Variants in NLGN4X observed in about 807,000 individuals in gnomAD.
The protein encoded by NLGN4X is neuroligin-4, X-linked.
A neutral mutation model predicts 40.3 loss-of-function variants in NLGN4X; 3 were observed. The observed-to-expected ratio is 0.07, with a 90% CI of 0.03 to 0.19. The LOEUF is 0.19. Among genes scored for constraint, NLGN4X ranks in the 10% least tolerant of loss-of-function variants. The pLI is 1.00. For missense variants in NLGN4X, 382 were observed against 708.3 expected (o/e 0.54, Z 5.23); for synonymous variants, 270 against 306.8 (o/e 0.88, Z 1.25).
intron 5 of NLGN4X, among the ~76,000 whole-genome samples, chrX:5,900,604 C>T (rs1389581944): frequency 2.8e-5 from 2 of 71,809 alleles, no homozygotes; most frequent in African/African-American, 5.7e-5. Flanking sequence ...ATAAAGGTTT[C>T]GGTCTGTCAC....
intron 3 of NLGN4X, among the ~76,000 whole-genome samples, chrX:5,957,346 G>A (rs1432471229): frequency 9.0e-6 from 1 of 111,528 alleles, no homozygotes; most frequent in Non-Finnish European, 1.9e-5. Flanking sequence ...AGAAAAAACG[G>A]GGAGAGGAGA....
At chrX:6,116,336 A>G (rs1254191691) in intron 2 of NLGN4X, among the ~76,000 whole-genome samples, 1 of 96,661 alleles carries the variant, frequency 1.0e-5, no homozygotes, top group African/African-American at 3.8e-5. Flanking sequence ...AAGAGCGGAA[A>G]CTTTGAATTC....
At chrX:6,210,674 A>G (rs1569300742) in intron 1 of NLGN4X, among the ~76,000 whole-genome samples, 1 of 112,002 alleles carries the variant, frequency 8.9e-6, no homozygotes, top group East Asian at 2.8e-4. Flanking sequence ...ATAACTTGAC[A>G]ACTACATTTT....
chrX:6,114,667 T>C (rs1215349095), intron 2 of NLGN4X, among the ~76,000 whole-genome samples: 2 of 111,253 alleles, frequency 1.8e-5, no homozygotes, highest in Non-Finnish European at 3.8e-5. Flanking sequence ...AACTAAACAC[T>C]ACATATGAGG....
intron 3 of NLGN4X, among the ~76,000 whole-genome samples, chrX:5,981,323 T>C (rs950864186): frequency 1.1e-4 from 12 of 110,741 alleles, no homozygotes; most frequent in East Asian, 8.4e-4. Flanking sequence ...AACATTCTGA[T>C]TACATCTTAG....
chrX:6,089,587 G>A (rs774128501), intron 2 of NLGN4X, among the ~76,000 whole-genome samples: 48 of 112,554 alleles, frequency 4.3e-4, no homozygotes, highest in African/African-American at 1.5e-3. Flanking sequence ...GAGAGACAAT[G>A]AAGAGAGAAG....
rs774715465 is a variant in NLGN4X at position 6,029,365 on chromosome X, G to A, written c.540C>T (p.Gly180=). 9.1e-6 allele frequency: 11 copies of A among 1,207,304 alleles called. No homozygotes were observed. The highest frequency in any genetic ancestry group is 1.8e-5 in the African/African-American group (1 of 56,881). ...TGCTGCCGTCAATCATGTTGCCGGTGCCCTCCATGTAAGATCCCCCATGGA... is the reference window on the plus strand; with the variant it reads ...TGCTGCCGTCAATCATGTTGCCGGTACCCTCCATGTAAGATCCCCCATGGA... ...VYIHGGSYME[G]TGNMIDGSIL... is the part of the protein sequence containing the mutation. The change falls in exon 3 of 6, where the codon GGC becomes GGT. Residue 180 remains glycine, a synonymous_variant. Coordinates refer to ENST00000381095, the MANE Select transcript of NLGN4X (RefSeq NM_181332.3).
Position 6,193,282 on chromosome X carries a change from G to A in NLGN4X, c.-306+35259C>T, listed in dbSNP as rs2147835738. Among the ~76,000 whole-genome samples the A allele has an allele frequency of 1.8e-5, 2 of 110,332 alleles. 1 individual carries two copies. The highest frequency in any genetic ancestry group is 7.6e-4 in the South Asian group (2 of 2,615). On this transcript the variant is annotated intron_variant, in intron 1 of 5. Coordinates refer to ENST00000381095, the MANE Select transcript of NLGN4X (RefSeq NM_181332.3). ...AAATTAGCCGGGCGCAGTGGCGGGCGCCTGTAGTCCCAGCTACTCGGGAGG... is the reference window on the plus strand; with the variant it reads ...AAATTAGCCGGGCGCAGTGGCGGGCACCTGTAGTCCCAGCTACTCGGGAGG...
chrX:6,044,656 C>T (rs983659497), intron 2 of NLGN4X, among the ~76,000 whole-genome samples: 6 of 110,638 alleles, frequency 5.4e-5, no homozygotes, highest in Non-Finnish European at 7.6e-5. Context: ...CTGTAAAGGA[C>T]GGACTTTGGG....
At chrX:6,168,290 C>A (rs1173966928) in intron 1 of NLGN4X, among the ~76,000 whole-genome samples, 1 of 112,410 alleles carries the variant, frequency 8.9e-6, no homozygotes, top group Non-Finnish European at 1.9e-5. Flanking sequence ...CAAAAATTCC[C>A]TCCATGGAAA....
intron 3 of NLGN4X, among the ~76,000 whole-genome samples, chrX:6,016,247 C>T (rs372329171): frequency 3.7e-4 from 42 of 112,111 alleles, no homozygotes; most frequent in African/African-American, 1.2e-3. Flanking sequence ...CGCAGAACAA[C>T]CTCTTCTTTT....
intron 3 of NLGN4X, among the ~76,000 whole-genome samples, chrX:6,026,361 A>C (rs771557608): frequency 7.1e-5 from 8 of 112,149 alleles, no homozygotes; most frequent in Non-Finnish European, 1.5e-4. Flanking sequence ...TTTTTGCCTA[A>C]AATTGTATCT....
rs1555963941 is a variant in NLGN4X at position 6,066,439 on chromosome X, C to A, written c.473-37007G>T. Among the ~76,000 whole-genome samples the A allele has an allele frequency of 2.7e-5, 3 of 112,059 alleles. No homozygotes were observed. In the South Asian group the frequency reaches 1.1e-3, roughly 42 times the overall value. ...GATTTTCTTTTTCACCTGGCTCCAC[C>A]GTTTTAACATTCCCTTTCACAGTTT... On this transcript the variant is annotated intron_variant, in intron 2 of 5. Transcript: ENST00000381095.
chrX:6,079,962 T>C (rs1335701731), intron 2 of NLGN4X, among the ~76,000 whole-genome samples: 1 of 111,194 alleles, frequency 9.0e-6, no homozygotes, highest in Non-Finnish European at 1.9e-5. Flanking sequence ...GGACTCCATC[T>C]TCTCTGTGAA....
intron 2 of NLGN4X, among the ~76,000 whole-genome samples, chrX:6,058,217 T>C (rs375172584): frequency 2.7e-5 from 3 of 111,244 alleles, no homozygotes; most frequent in Admixed American, 9.6e-5. Context: ...CATGTAATAA[T>C]TGAAGCATTG....
intron 3 of NLGN4X, among the ~76,000 whole-genome samples, chrX:5,928,632 T>C (rs1476223522): frequency 8.9e-6 from 1 of 111,880 alleles, no homozygotes; most frequent in African/African-American, 3.2e-5. Flanking sequence ...AGTGCAATCA[T>C]ATATTATTTA....
intron 2 of NLGN4X, among the ~76,000 whole-genome samples, chrX:6,043,034 C>T (rs2037216827): frequency 9.4e-6 from 1 of 106,424 alleles, no homozygotes; most frequent in South Asian, 4.3e-4. Context: ...CAAGATCACG[C>T]CACTGCACTC....
intron 3 of NLGN4X, among the ~76,000 whole-genome samples, chrX:5,996,308 A>C (rs1358781765): frequency 8.9e-6 from 1 of 112,235 alleles, no homozygotes; most frequent in Admixed American, 9.4e-5. Flanking sequence ...TCCGACTTTG[A>C]TATGTGGGAT....
At chrX:6,074,474 G>A (rs1649617098) in intron 2 of NLGN4X, among the ~76,000 whole-genome samples, 1 of 111,567 alleles carries the variant, frequency 9.0e-6, no homozygotes. Context: ...AAGCAATGTG[G>A]CCAAGAATAT....
Sources: allele counts gnomAD v4.1 joint callset (sites outside exome capture counted in the v4.1 genomes callset), GRCh38; gene constraint gnomAD v4.1.1; transcripts MANE v1.5; gene names NCBI Gene and HGNC (gene_info 2026-07-23, HGNC 2026-07-21).